SAMD3: variants seen among roughly 807,000 people sequenced by gnomAD.
SAMD3 encodes sterile alpha motif domain containing 3, also known as sterile alpha motif domain-containing protein 3.
Under a neutral mutation model 58.5 loss-of-function variants are expected in SAMD3, and 63 were observed. The observed-to-expected ratio is 1.08, with a 90% CI of 0.88 to 1.33. The LOEUF (loss-of-function observed/expected upper bound fraction) is 1.33. SAMD3 is among the 40% of genes most tolerant of loss of function. The pLI, the probability that SAMD3 is intolerant of heterozygous loss-of-function variation, is 0.00. For missense variants in SAMD3, 604 were observed against 608.4 expected (o/e 0.99, Z 0.08); for synonymous variants, 220 against 210.3 (o/e 1.05, Z -0.40).
intron 2 of SAMD3, among the ~76,000 whole-genome samples, chr6:130,300,276 A>G (rs2127021): frequency 0.17 from 25,659 of 152,200 alleles, 2,423 homozygotes; most frequent in East Asian, 0.36. Context: ...AGAGGGTTTT[A>G]TTCCTGGGAT....
At chr6:130,208,332 T>C (rs751281676) in intron 5 of SAMD3, among the ~76,000 whole-genome samples, 1 of 152,212 alleles carries the variant, frequency 6.6e-6, no homozygotes, top group Non-Finnish European at 1.5e-5. Flanking sequence ...GATGCACGGA[T>C]TGCCTGGGTG....
At chr6:130,281,400 G>T (rs1237398839) in intron 2 of SAMD3, among the ~76,000 whole-genome samples, 2 of 152,106 alleles carry the variant, frequency 1.3e-5, no homozygotes, top group Non-Finnish European at 2.9e-5. Context: ...TTAAATTAGG[G>T]TTAGAGGTGC....
At chr6:130,153,658 A>G (rs11154526) in intron 9 of SAMD3, among the ~76,000 whole-genome samples, 3,925 of 96,846 alleles carry the variant, frequency 0.041, 236 homozygotes, top group African/African-American at 0.12. Context: ...ATATATATAT[A>G]TATATATTTA....
chr6:130,240,867 G>A (rs901744550), intron 2 of SAMD3, among the ~76,000 whole-genome samples: 2 of 152,080 alleles, frequency 1.3e-5, no homozygotes, highest in African/African-American at 2.4e-5. Context: ...AGAAATTTTT[G>A]TTCCTTATAA....
At chr6:130,343,998 C>A (rs752475648) in intron 1 of SAMD3, among the ~76,000 whole-genome samples, 1 of 151,360 alleles carries the variant, frequency 6.6e-6, no homozygotes, top group Non-Finnish European at 1.5e-5. Context: ...TCAAGGACAC[C>A]CCTTTTACCT....
intron 5 of SAMD3, among the ~76,000 whole-genome samples, chr6:130,190,143 A>G (rs1206311711): frequency 1.3e-5 from 2 of 151,664 alleles, no homozygotes; most frequent in African/African-American, 2.4e-5. Context: ...TGGACTAAAG[A>G]TAAAAGAACT....
chr6:130,174,030 C>G (rs1042803216), intron 8 of SAMD3, among the ~76,000 whole-genome samples: 3 of 152,204 alleles, frequency 2.0e-5, no homozygotes, highest in African/African-American at 7.2e-5. Context: ...CCTCCCCCCA[C>G]CAAGCTCGAT....
intron 7 of SAMD3, chr6:130,183,442 G>T (rs1205890713): frequency 1.6e-5 from 7 of 442,788 alleles, no homozygotes; most frequent in South Asian, 1.1e-4. Flanking sequence ...GCCAGGTAAG[G>T]CTGGAGGCCC....
intron 1 of SAMD3, among the ~76,000 whole-genome samples, chr6:130,349,892 C>A (rs933810697): frequency 3.3e-5 from 5 of 152,196 alleles, no homozygotes; most frequent in African/African-American, 1.2e-4. Flanking sequence ...TGGGCTTCAT[C>A]CCTGGGATGC....
At chr6:130,275,091 G>T (rs747241950) in intron 2 of SAMD3, among the ~76,000 whole-genome samples, 3 of 152,118 alleles carry the variant, frequency 2.0e-5, no homozygotes, top group Non-Finnish European at 2.9e-5. Context: ...TAGGTGAGTT[G>T]TATGCCCATT....
At chr6:130,354,063 T>C (rs904547535) in intron 1 of SAMD3, among the ~76,000 whole-genome samples, 3 of 152,124 alleles carry the variant, frequency 2.0e-5, no homozygotes, top group African/African-American at 7.2e-5. Flanking sequence ...CCAACGAGCA[T>C]ATGAAAACAA....
chr6:130,193,590 G>A (rs1222488630), intron 5 of SAMD3, among the ~76,000 whole-genome samples: 1 of 151,778 alleles, frequency 6.6e-6, no homozygotes, highest in Non-Finnish European at 1.5e-5. Flanking sequence ...CTTCACTATG[G>A]GCAACTTTCC....
chr6:130,173,702 G>A (rs779388233), intron 8 of SAMD3, among the ~76,000 whole-genome samples: 33 of 152,306 alleles, frequency 2.2e-4, no homozygotes, highest in East Asian at 1.9e-4. Flanking sequence ...CAGAGCTGGT[G>A]CGCTGTGCTG....
At chr6:130,361,668 T>C (rs1365272168) in intron 1 of SAMD3, among the ~76,000 whole-genome samples, 2 of 152,242 alleles carry the variant, frequency 1.3e-5, no homozygotes, top group Non-Finnish European at 2.9e-5. Flanking sequence ...AACAGAAAGA[T>C]GATGTAGTGA....
chr6:130,333,203 T>A (rs1776995266), intron 1 of SAMD3, among the ~76,000 whole-genome samples: 1 of 152,120 alleles, frequency 6.6e-6, no homozygotes, highest in African/African-American at 2.4e-5. Flanking sequence ...TCTTTTTTGC[T>A]AAAGGTTTTC....
At chr6:130,184,751 G>T in intron 5 of SAMD3, 128 bp from the exon 6 acceptor site, 1 of 675,282 alleles carries the variant, frequency 1.5e-6, no homozygotes, top group Non-Finnish European at 2.4e-6. Context: ...AAGTCATCAA[G>T]CCATCTTCCA....
intron 1 of SAMD3, among the ~76,000 whole-genome samples, chr6:130,324,773 T>A (rs1487383937): frequency 6.5e-5 from 3 of 46,044 alleles, no homozygotes. Flanking sequence ...TTGGAGAACA[T>A]TTTTTTTTTT....
intron 1 of SAMD3, among the ~76,000 whole-genome samples, chr6:130,357,417 C>G (rs1777868629): frequency 6.6e-6 from 1 of 152,140 alleles, no homozygotes; most frequent in African/African-American, 2.4e-5. Context: ...AGCCACCACA[C>G]CCGGCCGGCA....
intron 8 of SAMD3, among the ~76,000 whole-genome samples, chr6:130,158,569 T>A (rs1790001932): frequency 6.6e-6 from 1 of 152,242 alleles, no homozygotes; most frequent in African/African-American, 2.4e-5. Flanking sequence ...GAAATATTTC[T>A]TATCACTTCA....
Sources: gnomAD v4.1 joint callset for allele counts (sites outside exome capture counted in the v4.1 genomes callset) on GRCh38, gnomAD v4.1.1 for gene constraint, MANE v1.5 for transcripts, NCBI Gene and HGNC (gene_info 2026-07-23, HGNC 2026-07-21) for gene names.